CPNE4: variants seen among roughly 807,000 people sequenced by gnomAD.
CPNE4 encodes the protein copine 4, also known as copine-4.
CPNE4 carries 25 observed loss-of-function variants against 67.9 expected under a neutral mutation model. That is an observed-to-expected ratio of 0.37 (90% confidence interval 0.27 to 0.51). The LOEUF is 0.51. Among genes scored for constraint, CPNE4 ranks in the 20% least tolerant of loss-of-function variants. CPNE4 has a pLI of 0.93. For synonymous variants in CPNE4, 242 were observed against 244.9 expected, an observed-to-expected ratio of 0.99 and a Z score of 0.11; for missense variants, 464 against 690.8, an observed-to-expected ratio of 0.67 and a Z score of 3.68.
intron 2 of CPNE4, among the ~76,000 whole-genome samples, chr3:131,748,402 T>G (rs1024250055): frequency 1.3e-5 from 2 of 151,854 alleles, no homozygotes; most frequent in African/African-American, 4.8e-5. Context: ...ATACTGGTCT[T>G]TTTTTTAATA....
At chr3:131,578,506 A>T (rs1937609458) in intron 9 of CPNE4, among the ~76,000 whole-genome samples, 1 of 152,166 alleles carries the variant, frequency 6.6e-6, no homozygotes, top group African/African-American at 2.4e-5. Context: ...AGAGTCATGC[A>T]TCTCTTACTT....
intron 2 of CPNE4, among the ~76,000 whole-genome samples, chr3:131,878,473 G>C (rs865780897): frequency 6.6e-6 from 1 of 152,270 alleles, no homozygotes; most frequent in South Asian, 2.1e-4. Flanking sequence ...CAGAATGAGG[G>C]GCAGTAAACA....
chr3:132,032,906 T>G (rs1285970054), intron 1 of CPNE4, among the ~76,000 whole-genome samples: 1 of 152,248 alleles, frequency 6.6e-6, no homozygotes, highest in African/African-American at 2.4e-5. Flanking sequence ...CCTCTGGCTT[T>G]TTGGGGGATA....
chr3:131,743,335 C>G (rs2082400524), intron 2 of CPNE4, among the ~76,000 whole-genome samples: 1 of 152,168 alleles, frequency 6.6e-6, no homozygotes, highest in East Asian at 1.9e-4. Context: ...TGAGATTTAT[C>G]TAACCTTTAC....
chr3:131,581,033 C>T (rs1467874045), intron 9 of CPNE4, among the ~76,000 whole-genome samples: 2 of 151,876 alleles, frequency 1.3e-5, no homozygotes, highest in South Asian at 4.2e-4. Context: ...ATTAGCTGGG[C>T]GTGGTGGCGG....
chr3:131,961,965 A>G (rs1424740091), intron 1 of CPNE4, among the ~76,000 whole-genome samples: 1 of 152,172 alleles, frequency 6.6e-6, no homozygotes, highest in Non-Finnish European at 1.5e-5. Flanking sequence ...TCTCTATCCC[A>G]TCTGGCCATA....
chr3:131,695,987 GAT>G (rs1461266431), intron 5 of CPNE4, among the ~76,000 whole-genome samples: 1 of 152,126 alleles, frequency 6.6e-6, no homozygotes, highest in East Asian at 1.9e-4. Flanking sequence ...GTCCATTTTT[GAT>G]ATGCCTTTTT....
chr3:131,935,234 T>G (rs2071189005), intron 1 of CPNE4, among the ~76,000 whole-genome samples: 1 of 152,114 alleles, frequency 6.6e-6, no homozygotes, highest in Non-Finnish European at 1.5e-5. Flanking sequence ...GCAGTTGCAA[T>G]GGATTGAGAG....
intron 6 of CPNE4, 140 bp downstream of exon 6, chr3:131,685,735 T>C (rs568257593): frequency 3.4e-6 from 2 of 586,122 alleles, no homozygotes; most frequent in South Asian, 4.6e-5. Context: ...GAGACGAGAC[T>C]GCGCCACTGC....
chr3:131,668,415 T>A (rs2080315910), intron 7 of CPNE4, among the ~76,000 whole-genome samples: 1 of 152,168 alleles, frequency 6.6e-6, no homozygotes, highest in African/African-American at 2.4e-5. Flanking sequence ...GAAGTCAACA[T>A]GAATGTTTAG....
intron 7 of CPNE4, among the ~76,000 whole-genome samples, chr3:131,657,005 C>T (rs1170263724): frequency 2.6e-5 from 4 of 152,108 alleles, no homozygotes; most frequent in Admixed American, 6.5e-5. Context: ...AAAACAAGTC[C>T]GAGAGTGTGA....
chr3:131,752,199 T>C (rs1560240082), intron 2 of CPNE4, among the ~76,000 whole-genome samples: 1 of 152,046 alleles, frequency 6.6e-6, no homozygotes, highest in East Asian at 1.9e-4. Flanking sequence ...TCTGACACCA[T>C]CCTGGCTAGG....
chr3:131,734,486 T>C (rs576787237), intron 2 of CPNE4, among the ~76,000 whole-genome samples: 2 of 152,146 alleles, frequency 1.3e-5, no homozygotes, highest in Admixed American at 1.3e-4. Flanking sequence ...CCGCCTTGAA[T>C]ATAGGAGGAG....
intron 3 of CPNE4, among the ~76,000 whole-genome samples, chr3:131,706,717 T>C (rs936858227): frequency 3.9e-5 from 6 of 152,208 alleles, no homozygotes; most frequent in African/African-American, 1.2e-4. Flanking sequence ...CATCTTTTCT[T>C]TGACGCCTGC....
intron 2 of CPNE4, among the ~76,000 whole-genome samples, chr3:131,771,206 T>C (rs2083157761): frequency 6.6e-6 from 1 of 152,152 alleles, no homozygotes; most frequent in Admixed American, 6.6e-5. Flanking sequence ...GAAGAAACAA[T>C]AAAAAATCTT....
chr3:131,745,620 TTTTC>T (rs1191307178), intron 2 of CPNE4, among the ~76,000 whole-genome samples: 1 of 152,258 alleles, frequency 6.6e-6, no homozygotes, highest in South Asian at 2.1e-4. Flanking sequence ...AAATCAAGGT[TTTTC>T]TTTGTCTATA....
At chr3:131,660,575 T>A (rs2080098406) in intron 7 of CPNE4, among the ~76,000 whole-genome samples, 1 of 152,182 alleles carries the variant, frequency 6.6e-6, no homozygotes, top group Admixed American at 6.5e-5. Flanking sequence ...ATTTCCATCA[T>A]CACGGAAAGT....
At chr3:131,673,046 C>T (rs569798957) in intron 6 of CPNE4, among the ~76,000 whole-genome samples, 2 of 151,984 alleles carry the variant, frequency 1.3e-5, no homozygotes, top group Non-Finnish European at 2.9e-5. Flanking sequence ...TAGTTTCATT[C>T]TTCCACATAT....
chr3:131,700,494 T>A (rs1168667229), intron 3 of CPNE4, among the ~76,000 whole-genome samples: 1 of 152,164 alleles, frequency 6.6e-6, no homozygotes, highest in Non-Finnish European at 1.5e-5. Flanking sequence ...TCAATAGAAG[T>A]AATTGCGGTT....
Sources: gnomAD v4.1 joint callset for allele counts (sites outside exome capture counted in the v4.1 genomes callset) on GRCh38, gnomAD v4.1.1 for gene constraint, MANE v1.5 for transcripts, NCBI Gene and HGNC (gene_info 2026-07-23, HGNC 2026-07-21) for gene names.